APBA1: variants seen among roughly 807,000 people sequenced by gnomAD.
The protein encoded by APBA1 is amyloid-beta A4 precursor protein-binding family A member 1.
In APBA1, 55 loss-of-function variants were observed where a neutral mutation model predicts 86.6. The ratio of observed to expected loss-of-function variants is 0.64; its 90% confidence interval spans 0.51 to 0.80. The LOEUF (loss-of-function observed/expected upper bound fraction) is 0.80, where lower values mean the gene tolerates loss of function less well. Ranked by LOEUF, APBA1 falls within the 30% of genes least tolerant of loss-of-function variation. APBA1 has a pLI of 0.00. For synonymous variants in APBA1, 511 were observed against 493.9 expected, an observed-to-expected ratio of 1.03 and a Z score of -0.46; for missense variants, 1,090 against 1,183.0, an observed-to-expected ratio of 0.92 and a Z score of 1.15.
At chr9:69,589,743 T>C (rs892789758) in intron 1 of APBA1, among the ~76,000 whole-genome samples, 2 of 152,196 alleles carry the variant, frequency 1.3e-5, no homozygotes, top group African/African-American at 4.8e-5. Flanking sequence ...GAGATCCTGA[T>C]TGAATCAGAT....
intron 5 of APBA1, among the ~76,000 whole-genome samples, chr9:69,466,838 G>C (rs1215863560): frequency 1.3e-5 from 2 of 152,194 alleles, no homozygotes; most frequent in African/African-American, 4.8e-5. Flanking sequence ...TATGAAATAT[G>C]GAATGGCTCC....
At chr9:69,441,195 A>G in intron 10 of APBA1, 80 bp from the exon 11 acceptor site, 1 of 1,519,136 alleles carries the variant, frequency 6.6e-7, no homozygotes, top group Non-Finnish European at 8.9e-7. Flanking sequence ...CACCAAAGGC[A>G]AAAGAAGCTG....
At chr9:69,659,410 C>A (rs546868417) in intron 1 of APBA1, among the ~76,000 whole-genome samples, 55 of 152,324 alleles carry the variant, frequency 3.6e-4, no homozygotes, top group African/African-American at 1.3e-3. Flanking sequence ...TATGCACATT[C>A]TCTCTACTTC....
intron 2 of APBA1, among the ~76,000 whole-genome samples, chr9:69,485,740 A>G (rs750029749): frequency 1.3e-5 from 2 of 152,064 alleles, no homozygotes; most frequent in Non-Finnish European, 2.9e-5. Context: ...CTAACAACTC[A>G]TCTTCTGCAG....
chr9:69,557,705 C>G (rs1248184112), intron 1 of APBA1, among the ~76,000 whole-genome samples: 2 of 152,206 alleles, frequency 1.3e-5, no homozygotes, highest in South Asian at 4.1e-4. Context: ...AACCAGAAGC[C>G]ATAGGCTGCA....
intron 1 of APBA1, among the ~76,000 whole-genome samples, chr9:69,641,401 A>G (rs1476211559): frequency 6.6e-5 from 10 of 152,340 alleles, no homozygotes; most frequent in Admixed American, 5.9e-4. Flanking sequence ...ACTGACAAGT[A>G]GATTATAAAA....
At chr9:69,576,856 T>TA (rs574579353) in intron 1 of APBA1, among the ~76,000 whole-genome samples, 1 of 152,236 alleles carries the variant, frequency 6.6e-6, no homozygotes, top group Non-Finnish European at 1.5e-5. Context: ...TAAAGTATAA[T>TA]AAAAAAATTA....
intron 2 of APBA1, among the ~76,000 whole-genome samples, chr9:69,483,218 A>G (rs1283736250): frequency 6.6e-6 from 1 of 151,732 alleles, no homozygotes; most frequent in Non-Finnish European, 1.5e-5. Context: ...GCGCTGCTTC[A>G]CAGTCTGTTG....
At chr9:69,515,355 C>A (rs1235958022) in intron 2 of APBA1, among the ~76,000 whole-genome samples, 3 of 152,108 alleles carry the variant, frequency 2.0e-5, no homozygotes, top group Non-Finnish European at 4.4e-5. Flanking sequence ...CCTGAGAAAA[C>A]GCTGGTCTCA....
intron 1 of APBA1, among the ~76,000 whole-genome samples, chr9:69,544,544 A>G (rs1342045540): frequency 6.6e-6 from 1 of 152,210 alleles, no homozygotes; most frequent in Non-Finnish European, 1.5e-5. Context: ...ATCCCAGCCA[A>G]TCCTCACTAC....
chr9:69,476,273 C>G (rs1035348667), intron 2 of APBA1, 130 bp from the exon 3 acceptor site: 19 of 624,758 alleles, frequency 3.0e-5, no homozygotes, highest in Admixed American at 1.5e-4. Context: ...GGGAGAAAAC[C>G]TCTTAAAAAG....
chr9:69,517,735 C>A (rs976487290), intron 1 of APBA1, among the ~76,000 whole-genome samples: 2 of 152,194 alleles, frequency 1.3e-5, no homozygotes, highest in Non-Finnish European at 2.9e-5. Context: ...CCTTTTGAAG[C>A]CATTCTGAGA....
At chr9:69,455,937 T>G (rs2133814302) in intron 8 of APBA1, among the ~76,000 whole-genome samples, 1 of 152,314 alleles carries the variant, frequency 6.6e-6, no homozygotes, top group South Asian at 2.1e-4. Context: ...AGGGCTTTGT[T>G]GATCACCCTA....
intron 11 of APBA1, among the ~76,000 whole-genome samples, chr9:69,433,391 A>G (rs941455007): frequency 3.3e-5 from 5 of 152,354 alleles, no homozygotes; most frequent in Non-Finnish European, 5.9e-5. Flanking sequence ...ATTCCAGACC[A>G]TGCACCTTTA....
intron 2 of APBA1, among the ~76,000 whole-genome samples, chr9:69,492,246 C>G (rs936656485): frequency 1.3e-5 from 2 of 152,070 alleles, no homozygotes; most frequent in African/African-American, 2.4e-5. Flanking sequence ...AATGGGGAAA[C>G]AGCTAGCACC....
At chr9:69,539,478 G>T (rs1430285143) in intron 1 of APBA1, among the ~76,000 whole-genome samples, 1 of 152,102 alleles carries the variant, frequency 6.6e-6, no homozygotes, top group Non-Finnish European at 1.5e-5. Context: ...AATGGATCAA[G>T]AACCAACTAA....
intron 5 of APBA1, chr9:69,463,366 C>T (rs1340865400): frequency 6.6e-6 from 1 of 152,204 alleles, no homozygotes; most frequent in East Asian, 1.9e-4. Flanking sequence ...TTTCTTTTCA[C>T]ATTAAGTAGA....
intron 5 of APBA1, chr9:69,460,606 T>C (rs1461129228): frequency 6.6e-6 from 1 of 151,906 alleles, no homozygotes; most frequent in African/African-American, 2.4e-5. Flanking sequence ...CGATTTGAAA[T>C]AACTCTTTCA....
At chr9:69,433,173 C>T (rs1385857948) in intron 11 of APBA1, among the ~76,000 whole-genome samples, 1 of 152,196 alleles carries the variant, frequency 6.6e-6, no homozygotes, top group Non-Finnish European at 1.5e-5. Context: ...GGGAGAGACT[C>T]CTTCAGAGTT....
Sources: allele counts gnomAD v4.1 joint callset (sites outside exome capture counted in the v4.1 genomes callset), GRCh38; gene constraint gnomAD v4.1.1; transcripts MANE v1.5; gene names NCBI Gene and HGNC (gene_info 2026-07-23, HGNC 2026-07-21).